Variants in GMFB observed in about 807,000 individuals in gnomAD.
GMFB encodes GMF-beta.
Under a neutral mutation model 25.6 loss-of-function variants are expected in GMFB, and 13 were observed. The ratio of observed to expected loss-of-function variants is 0.51; its 90% confidence interval spans 0.33 to 0.81. GMFB has a LOEUF of 0.81. Ranked by LOEUF, GMFB falls within the 30% of genes least tolerant of loss-of-function variation. The pLI is 0.02. For synonymous variants in GMFB, 57 were observed against 56.9 expected (o/e 1.00, Z 0.00); for missense variants, 146 against 175.4 (o/e 0.83, Z 0.95).
chr14:54,479,621 C>T (rs2031683986), intron 6 of GMFB, 165 bp downstream of exon 6: 2 of 516,494 alleles, frequency 3.9e-6, no homozygotes, highest in Non-Finnish European at 6.9e-6. Context: ...TCAAACGCTT[C>T]TATCTCATTC....
rs1022482979 is a variant in GMFB, at chr14:54,479,876, A to C, written c.284-17T>G. ...GCTTACATCCTGGAAAAGAGAGATTAGTGTAGAAATGAGACACAGATTTTG... is the reference window on the plus strand; with the variant it reads ...GCTTACATCCTGGAAAAGAGAGATTCGTGTAGAAATGAGACACAGATTTTG... On this transcript the variant is annotated splice_polypyrimidine_tract_variant and intron_variant, in intron 5 of 6. Coordinates refer to ENST00000358056, the MANE Select transcript of GMFB (RefSeq NM_004124.3). 2 of 1,497,934 alleles carry C rather than the reference A, an allele frequency of 1.3e-6. No individual in the cohort carries two copies. The highest frequency in any genetic ancestry group is 1.9e-6 in the Non-Finnish European group (2 of 1,075,684). The allele number at this position is 1,497,934 out of a possible 1,614,324, so 92.8% of individuals were successfully genotyped here. A position where few individuals can be genotyped will look rare whatever the true frequency, so the allele number is the denominator to read the frequency against.
At chr14:54,481,196 C>T (rs539921069) in intron 4 of GMFB, 11 of 579,470 alleles carry the variant, frequency 1.9e-5, no homozygotes, top group East Asian at 2.8e-5. Context: ...TTATTGTACA[C>T]GTTATAATAA....
intron 5 of GMFB, 23 bp downstream of exon 5, chr14:54,480,851 G>A: frequency 8.3e-7 from 1 of 1,198,914 alleles, no homozygotes; most frequent in Non-Finnish European, 1.2e-6. Flanking sequence ...CCAAATATGT[G>A]TTATTTAAAG....
At chr14:54,488,154 T>C (rs994564026) in intron 1 of GMFB, among the ~76,000 whole-genome samples, 1 of 152,232 alleles carries the variant, frequency 6.6e-6, no homozygotes, top group African/African-American at 2.4e-5. Flanking sequence ...TGTTTTGTTG[T>C]TTCTAATGAA....
At position 54,479,868 on chromosome 14, in the gene GMFB, G is replaced by C; in HGVS notation, c.284-9C>G. The C allele has an allele frequency of 6.5e-7, 1 of 1,546,236 alleles. No individual in the cohort carries two copies. The highest frequency in any genetic ancestry group is 8.9e-7 in the Non-Finnish European group (1 of 1,118,996). The stretch of plus-strand genomic sequence containing the variant: ...TTGTTCAGGCTTACATCCTGGAAAA[G>C]AGAGATTAGTGTAGAAATGAGACAC... On this transcript the variant is annotated splice_polypyrimidine_tract_variant and intron_variant, in intron 5 of 6. Transcript: ENST00000358056.
In GMFB at chr14:54,475,991, A is replaced by C. The variant is rs1168517872; in HGVS notation, c.*2097T>G. The C allele has an allele frequency of 1.3e-5, 2 of 152,114 alleles. No individual in the cohort carries two copies. The highest frequency in any genetic ancestry group is 2.4e-5 in the African/African-American group (1 of 41,450). The allele number at this position is 152,114 out of a possible 1,614,324, so 9.4% of individuals were successfully genotyped here. ...GTAAGATGAAAGGGAAATCTATATAAATGTTTGAGAACATTTTAGAGCACG... is the reference window on the plus strand; with the variant it reads ...GTAAGATGAAAGGGAAATCTATATACATGTTTGAGAACATTTTAGAGCACG... On this transcript the variant is annotated 3_prime_UTR_variant, in exon 7 of 7. Coordinates refer to ENST00000358056, the MANE Select transcript of GMFB (RefSeq NM_004124.3).
chr14:54,475,825 A>AT lies in GMFB; in HGVS notation c.*2262_*2263insA, dbSNP rs1236829669. 6.6e-6 allele frequency: 1 copy of AT among 152,386 alleles called. No individual in the cohort carries two copies. Among genetic ancestry groups the AT allele is most frequent in the African/African-American group, 2.4e-5 (1 of 41,458 alleles). 9.4% of individuals were successfully genotyped at this position (152,386 alleles called of 1,614,324 possible). The stretch of plus-strand genomic sequence containing the variant: ...TGCTGCTAAAAAGGACTCAGATTTA[A>AT]GGCTGAATGGGAATGGTTGTACCAG... On this transcript the variant is annotated 3_prime_UTR_variant, in exon 7 of 7. Transcript: ENST00000358056.
intron 1 of GMFB, among the ~76,000 whole-genome samples, chr14:54,487,657 GGGC>G (rs1338913234): frequency 6.6e-6 from 1 of 152,214 alleles, no homozygotes; most frequent in African/African-American, 2.4e-5. Flanking sequence ...AGGTTGCAAT[GGGC>G]CGAGATCCCG....
rs1005343135 is a variant in GMFB at position 54,474,889 on chromosome 14, T to C, written c.*3199A>G. The C allele has an allele frequency of 3.3e-5, 5 of 152,652 alleles. No individual in the cohort carries two copies. The highest frequency in any genetic ancestry group is 1.2e-4 in the African/African-American group (5 of 41,466). 9.5% of individuals were successfully genotyped at this position (152,652 alleles called of 1,614,324 possible). ...AACAAATTTCTCAAGAATATTCAGCTTGGGAGCATTGGTTTTAAGCGGTCT... is the reference window on the plus strand; with the variant it reads ...AACAAATTTCTCAAGAATATTCAGCCTGGGAGCATTGGTTTTAAGCGGTCT... On this transcript the variant is annotated 3_prime_UTR_variant, in exon 7 of 7. Transcript: ENST00000358056.
chr14:54,477,337 T>C lies in GMFB; in HGVS notation c.*751A>G, dbSNP rs1222225001. 3.3e-5 allele frequency: 5 copies of C among 152,440 alleles called. No individual in the cohort carries two copies. Among genetic ancestry groups the C allele is most frequent in the Admixed American group, 6.6e-5 (1 of 15,256 alleles). The allele number at this position is 152,440 out of a possible 1,614,324, so 9.4% of individuals were successfully genotyped here. On this transcript the variant is annotated 3_prime_UTR_variant, in exon 7 of 7. Transcript: ENST00000358056. ...TAAAATAATTAGTGTTCACAGGACA[T>C]TGAGGTGCTTTATAAATAAAGTGTT...
Position 54,483,726 on chromosome 14 carries a change from C to T in GMFB, c.45G>A (p.Val15=). 2 of 1,610,864 alleles carry T rather than the reference C, an allele frequency of 1.2e-6. No individual in the cohort carries two copies. The highest frequency in any genetic ancestry group is 1.7e-4 in the Middle Eastern group (1 of 6,058). Residue 15 remains valine, a synonymous_variant, in exon 2 of 7, where the codon GTG becomes GTA. Coordinates refer to ENST00000358056, the MANE Select transcript of GMFB (RefSeq NM_004124.3). ...LVVCDVAEDL[V]EKLRKFRFRK... ...GAAAACGAAACTTTCTCAGCTTTTC[C>T]ACTAAATCTTCGGCAACATCACAAA...
chr14:54,482,025 T>A, intron 3 of GMFB, 128 bp downstream of exon 3: 1 of 644,726 alleles, frequency 1.6e-6, no homozygotes, highest in Non-Finnish European at 2.8e-6. Context: ...CACATGCTTT[T>A]ATGCATAATG....
intron 2 of GMFB, chr14:54,483,412 A>G (rs1028326225): frequency 1.2e-4 from 50 of 402,544 alleles, no homozygotes; most frequent in Non-Finnish European, 8.5e-5. Flanking sequence ...CTCATTACCC[A>G]AGGACCAAGA....
intron 2 of GMFB, chr14:54,483,410 C>A: frequency 2.5e-6 from 1 of 392,854 alleles, no homozygotes; most frequent in Non-Finnish European, 4.6e-6. Context: ...TCCTCATTAC[C>A]CAAGGACCAA....
chr14:54,483,163 A>C (rs920655156), intron 2 of GMFB: 2 of 153,876 alleles, frequency 1.3e-5, no homozygotes, highest in African/African-American at 4.8e-5. Context: ...CAGTGGGAGG[A>C]GCAATATGCA....
rs1250319035 is a variant in GMFB, at chr14:54,477,546, A to G, written c.*542T>C. 6.6e-6 allele frequency: 1 copy of G among 152,064 alleles called. No individual in the cohort carries two copies. The highest frequency in any genetic ancestry group is 1.5e-5 in the Non-Finnish European group (1 of 67,906). The allele number at this position is 152,064 out of a possible 1,614,324, so 9.4% of individuals were successfully genotyped here. On this transcript the variant is annotated 3_prime_UTR_variant, in exon 7 of 7. Transcript: ENST00000358056. ...CTGATGAACATAGTTTCTAGACTTG[A>G]TTAAAAAGATACAGGAAACCAAAGA...
In GMFB at chr14:54,474,772, T is replaced by G. The variant is rs1299458896; in HGVS notation, c.*3316A>C. On this transcript the variant is annotated 3_prime_UTR_variant, in exon 7 of 7. Transcript: ENST00000358056. ...CAATATTCAAGTAATTATATTTATA[T>G]GAATTATAATCCAAAAAGCAATAAA... 1 of 152,784 alleles carries G rather than the reference T, an allele frequency of 6.5e-6. No homozygotes were observed. Among genetic ancestry groups the G allele is most frequent in the Non-Finnish European group, 1.5e-5 (1 of 68,028 alleles). 9.5% of individuals were successfully genotyped at this position (152,784 alleles called of 1,614,324 possible). A position where few individuals can be genotyped will look rare whatever the true frequency, so the allele number is the denominator to read the frequency against.
At chr14:54,485,408 GA>G (rs1450185331) in intron 1 of GMFB, among the ~76,000 whole-genome samples, 4 of 151,722 alleles carry the variant, frequency 2.6e-5, no homozygotes, top group Non-Finnish European at 4.4e-5. Context: ...AAGAAATCAA[GA>G]AAGCAATCTC....
chr14:54,484,904 T>C (rs1165164427), intron 1 of GMFB, among the ~76,000 whole-genome samples: 1 of 151,182 alleles, frequency 6.6e-6, no homozygotes, highest in Non-Finnish European at 1.5e-5. Context: ...TGTGATACAT[T>C]ACATTAACAG....
Sources: gnomAD v4.1 joint callset for allele counts (sites outside exome capture counted in the v4.1 genomes callset) on GRCh38, gnomAD v4.1.1 for gene constraint, MANE v1.5 for transcripts, NCBI Gene and HGNC (gene_info 2026-07-23, HGNC 2026-07-21) for gene names.